Variants in NAV2 observed in about 807,000 individuals in gnomAD.
NAV2 encodes neuron navigator 2, also known as helicase, APC down-regulated 1.
In NAV2, 54 loss-of-function variants were observed where a neutral mutation model predicts 223.2. That is an observed-to-expected ratio of 0.24 (90% CI 0.19 to 0.30). NAV2 has a LOEUF of 0.30. Ranked by LOEUF, NAV2 falls within the 10% of genes least tolerant of loss-of-function variation. NAV2 has a pLI of 1.00. For missense variants in NAV2, 2,806 were observed against 3,147.5 expected, an observed-to-expected ratio of 0.89 and a Z score of 2.60; for synonymous variants, 1,279 against 1,239.3, an observed-to-expected ratio of 1.03 and a Z score of -0.67.
At chr11:20,034,777 A>T (rs1368801527) in intron 11 of NAV2, among the ~76,000 whole-genome samples, 1 of 152,176 alleles carries the variant, frequency 6.6e-6, no homozygotes, top group Non-Finnish European at 1.5e-5. Flanking sequence ...ACAGAGTGTG[A>T]CAGGCTTGAT....
chr11:19,828,441 A>G (rs1490802257), intron 1 of NAV2, among the ~76,000 whole-genome samples: 1 of 152,192 alleles, frequency 6.6e-6, no homozygotes, highest in East Asian at 1.9e-4. Context: ...AACATGCAAT[A>G]TTGTCCTTTT....
chr11:20,027,075 T>C (rs1194625687), intron 11 of NAV2, among the ~76,000 whole-genome samples: 2 of 152,248 alleles, frequency 1.3e-5, no homozygotes, highest in East Asian at 3.8e-4. Context: ...AAGGTAGGAC[T>C]CTGCAGGAGC....
chr11:19,798,290 G>A (rs951010075), intron 1 of NAV2, among the ~76,000 whole-genome samples: 2 of 152,196 alleles, frequency 1.3e-5, no homozygotes, highest in African/African-American at 2.4e-5. Context: ...GTGCTCAGAC[G>A]TGACTGCTTG....
At chr11:19,807,770 ACCT>A (rs2058652580) in intron 1 of NAV2, among the ~76,000 whole-genome samples, 1 of 151,834 alleles carries the variant, frequency 6.6e-6, no homozygotes, top group Admixed American at 6.6e-5. Context: ...TCCAATGATA[ACCT>A]CCTCTCAAAA....
At chr11:19,943,331 A>T (rs2046562508) in intron 8 of NAV2, among the ~76,000 whole-genome samples, 1 of 152,164 alleles carries the variant, frequency 6.6e-6, no homozygotes, top group South Asian at 2.1e-4. Flanking sequence ...GCTTTTTTTA[A>T]AAAAACACAT....
rs565712939 is a variant in NAV2, at chr11:19,663,030, C to T, written c.76-169454C>T. The stretch of plus-strand genomic sequence containing the variant: ...TAAGGATAAGCCATTTGCCTAGTCC[C>T]CTGAGATCCCACACTTTTCCTCTGT... On this transcript the variant is annotated intron_variant, in intron 1 of 37. Transcript: ENST00000360655. Among the ~76,000 whole-genome samples the T allele has an allele frequency of 3.3e-4, 50 of 152,206 alleles. 1 individual carries two copies. In the South Asian group the frequency reaches 9.8e-3, roughly 30 times the overall value.
At chr11:19,509,862 G>GA (rs11455959) in intron 1 of NAV2, among the ~76,000 whole-genome samples, 47,605 of 150,828 alleles carry the variant, frequency 0.32, 7,461 homozygotes, top group Middle Eastern at 0.36. Context: ...AAAGAAATAG[G>GA]AAAAAAAAAA....
intron 1 of NAV2, among the ~76,000 whole-genome samples, chr11:19,673,676 G>A (rs1246520976): frequency 3.3e-5 from 5 of 152,172 alleles, no homozygotes; most frequent in Admixed American, 3.3e-4. Flanking sequence ...GAAATTTTGT[G>A]TGCCTTGTCT....
intron 6 of NAV2, among the ~76,000 whole-genome samples, chr11:19,900,487 G>A (rs545191975): frequency 6.6e-6 from 1 of 152,232 alleles, no homozygotes; most frequent in African/African-American, 2.4e-5. Flanking sequence ...ACCATCACAG[G>A]CCATGCTTAG....
At chr11:19,485,693 T>C (rs2042420137) in intron 1 of NAV2, among the ~76,000 whole-genome samples, 1 of 151,704 alleles carries the variant, frequency 6.6e-6, no homozygotes, top group South Asian at 2.1e-4. Context: ...CAGTAAGAGG[T>C]AGGATGAGTT....
chr11:19,702,660 C>T (rs2049540516), intron 1 of NAV2, among the ~76,000 whole-genome samples: 1 of 151,972 alleles, frequency 6.6e-6, no homozygotes, highest in Non-Finnish European at 1.5e-5. Flanking sequence ...TGCCTATAGT[C>T]CCAACTACAT....
At chr11:19,775,073 A>G (rs2056045271) in intron 1 of NAV2, among the ~76,000 whole-genome samples, 1 of 152,196 alleles carries the variant, frequency 6.6e-6, no homozygotes, top group Non-Finnish European at 1.5e-5. Context: ...ACTCCAAGGA[A>G]CTTTAGGCTT....
chr11:19,783,446 C>A (rs2056887008), intron 1 of NAV2, among the ~76,000 whole-genome samples: 1 of 152,168 alleles, frequency 6.6e-6, no homozygotes, highest in African/African-American at 2.4e-5. Flanking sequence ...TCACCCCATC[C>A]TTTTGAAGCT....
At chr11:19,765,315 C>A (rs910985380) in intron 1 of NAV2, among the ~76,000 whole-genome samples, 1 of 151,910 alleles carries the variant, frequency 6.6e-6, no homozygotes, top group Non-Finnish European at 1.5e-5. Flanking sequence ...TCATCTTCTT[C>A]TCCTCCTCCT....
chr11:19,696,510 G>T (rs955277489), intron 1 of NAV2, among the ~76,000 whole-genome samples: 2 of 152,122 alleles, frequency 1.3e-5, no homozygotes, highest in Non-Finnish European at 2.9e-5. Context: ...AATATCAACC[G>T]TATTTACTAA....
intron 11 of NAV2, among the ~76,000 whole-genome samples, chr11:20,001,968 G>A (rs1165480058): frequency 6.6e-6 from 1 of 152,146 alleles, no homozygotes; most frequent in African/African-American, 2.4e-5. Flanking sequence ...GTGGCTATAA[G>A]CAACAGGCAC....
chr11:19,838,306 A>T (rs763360074), intron 2 of NAV2, among the ~76,000 whole-genome samples: 34 of 152,248 alleles, frequency 2.2e-4, no homozygotes, highest in Non-Finnish European at 4.3e-4. Flanking sequence ...GACCCGACCT[A>T]TGATGGAGTG....
chr11:19,613,156 C>A (rs1278646147), intron 1 of NAV2, among the ~76,000 whole-genome samples: 1 of 152,108 alleles, frequency 6.6e-6, no homozygotes, highest in Non-Finnish European at 1.5e-5. Context: ...TACCCCGCCC[C>A]CGCCGTGGGT....
At chr11:19,839,755 T>G (rs1463537412) in intron 2 of NAV2, among the ~76,000 whole-genome samples, 1 of 152,280 alleles carries the variant, frequency 6.6e-6, no homozygotes, top group African/African-American at 2.4e-5. Flanking sequence ...ATTTTAAAAG[T>G]GCACTGATGC....
Sources: allele counts gnomAD v4.1 joint callset (sites outside exome capture counted in the v4.1 genomes callset), GRCh38; gene constraint gnomAD v4.1.1; transcripts MANE v1.5; gene names NCBI Gene and HGNC (gene_info 2026-07-23, HGNC 2026-07-21).